PSMC3: variants seen among roughly 807,000 people sequenced by gnomAD.
PSMC3 encodes proteasome 26S subunit, ATPase 3.
PSMC3 carries 11 observed loss-of-function variants against 52.0 expected under a neutral mutation model. The ratio of observed to expected loss-of-function variants is 0.21; its 90% CI spans 0.13 to 0.35. The LOEUF is 0.35. PSMC3 is among the 10% of genes least tolerant of loss of function. The probability of loss-of-function intolerance (pLI) is 1.00; values close to 1 mark genes in which losing one functional copy is unlikely to be tolerated. For synonymous variants in PSMC3, 201 were observed against 218.8 expected (o/e 0.92, Z 0.72); for missense variants, 238 against 567.1 (o/e 0.42, Z 5.89).
Position 47,422,611 on chromosome 11 carries a change from T to C in PSMC3, c.847A>G (p.Ile283Val), listed in dbSNP as rs747411615. ...ALAKEKAPSI[I>V]FIDELDAIGT... ...ATGGCATCCAACTCATCAATGAAGA[T>C]GATAGAGGGCGCTTTCTCCTTGGCC... Residue 283 changes from isoleucine to valine, a missense_variant, in exon 8 of 12, where the codon ATC (isoleucine) becomes GTC (valine). By Grantham distance (29) the Ile-to-Val change is conservative (BLOSUM62 3). Coordinates refer to ENST00000298852, the MANE Select transcript of PSMC3 (RefSeq NM_002804.5). The surrounding 1 kb of genome is among the most constrained non-coding windows in gnomAD (Gnocchi z 4.3). 2 of 1,614,108 alleles carry C rather than the reference T, an allele frequency of 1.2e-6. No homozygotes were observed. The highest frequency in any genetic ancestry group is 1.3e-5 in the African/African-American group (1 of 75,014).
Position 47,424,707 on chromosome 11 carries a change from A to T in PSMC3, c.290T>A (p.Leu97Gln), listed in dbSNP as rs1194754191. ...PYLVSNVIEL[L>Q]DVDPNDQEED... ...CTCTTGGTCATTAGGATCAACATCCAGGAGCTGGGAAGGAAAAAATACTCA... is the reference window on the plus strand; with the variant it reads ...CTCTTGGTCATTAGGATCAACATCCTGGAGCTGGGAAGGAAAAAATACTCA... The change falls in exon 4 of 12, where the codon CTG becomes CAG. Residue 97 changes from leucine to glutamine, a missense_variant. Leu to Gln is a moderately radical substitution (Grantham distance 113). Around this residue, in one of 6 missense-constraint regions of PSMC3, gnomAD observed 21 missense variants for 95.6 expected, o/e 0.22. Coordinates refer to ENST00000298852, the MANE Select transcript of PSMC3 (RefSeq NM_002804.5). This position sits in a 1 kb window ranked among gnomAD's most constrained non-coding sequence, Gnocchi z 4.8. 1 of 1,611,122 alleles carries T rather than the reference A, an allele frequency of 6.2e-7. No homozygotes were observed. Among genetic ancestry groups the T allele is most frequent in the African/African-American group, 1.3e-5 (1 of 74,856 alleles).
chr11:47,424,499 C>T lies in PSMC3; in HGVS notation c.391-8G>A. ...CACAGGAAGGAAGTACGTCTGTGGA[C>T]AAGTTACAGGGGCAGTCTCAGTTAG... On this transcript the variant is annotated splice_polypyrimidine_tract_variant and splice_region_variant and intron_variant, in intron 4 of 11. Transcript: ENST00000298852. This position sits in a 1 kb window ranked among gnomAD's most constrained non-coding sequence, Gnocchi z 4.8. 1.2e-6 allele frequency: 2 copies of T among 1,614,104 alleles called. No individual in the cohort carries two copies.
At chr11:47,420,212 C>T in intron 10 of PSMC3, 52 bp downstream of exon 10, 1 of 1,594,442 alleles carries the variant, frequency 6.3e-7, no homozygotes. Context: ...ATGGCAGAGA[C>T]ATCCTCCTGC....
chr11:47,419,656 A>G (rs7120262), intron 10 of PSMC3, among the ~76,000 whole-genome samples: 151,583 of 152,158 alleles, frequency 1, 75,508 homozygotes, highest in Middle Eastern at 1. Context: ...TCAGGAAATC[A>G]AGACCATTCT....
At position 47,422,546 on chromosome 11, in the gene PSMC3, T is replaced by C; in HGVS notation, c.884+28A>G. ...CCGCTTCCCCTTACCGCCACAGAGA[T>C]CGCTAGGGACCCTTGGCCCTCCCTT... is the stretch of plus-strand genomic sequence containing the variant. On this transcript the variant is annotated intron_variant, in intron 8 of 11. Transcript: ENST00000298852. This position sits in a 1 kb window ranked among gnomAD's most constrained non-coding sequence, Gnocchi z 4.3. 2 of 1,612,382 alleles carry C rather than the reference T, an allele frequency of 1.2e-6. No individual in the cohort carries two copies. The highest frequency in any genetic ancestry group is 1.7e-6 in the Non-Finnish European group (2 of 1,178,848).
At position 47,424,032 on chromosome 11, in the gene PSMC3, C is replaced by T. The variant is rs200317907; in HGVS notation, c.591+14G>A. 19 of 1,614,018 alleles carry T rather than the reference C, an allele frequency of 1.2e-5. No individual in the cohort carries two copies. The highest frequency in any genetic ancestry group is 4.4e-5 in the South Asian group (4 of 91,078). ...GGCTGACAAGGCTGCTGGCAGCTGC[C>T]GTGCCTCCCTCACCTCCTGGATCTG... On this transcript the variant is annotated intron_variant, in intron 6 of 11. Transcript: ENST00000298852. The surrounding 1 kb of genome is among the most constrained non-coding windows in gnomAD (Gnocchi z 4.8).
intron 1 of PSMC3, 90 bp downstream of exon 1, chr11:47,426,115 A>T: frequency 6.8e-7 from 1 of 1,472,412 alleles, no homozygotes; most frequent in Non-Finnish European, 9.3e-7. Context: ...ATCGGGCCAG[A>T]CCTTGACCCC....
At chr11:47,419,789 G>A (rs1475872889) in intron 10 of PSMC3, among the ~76,000 whole-genome samples, 1 of 151,952 alleles carries the variant, frequency 6.6e-6, no homozygotes, top group Non-Finnish European at 1.5e-5. Flanking sequence ...AACCCAGGAG[G>A]CGGAGCTTGC....
chr11:47,425,583 A>G (rs1333141833), intron 2 of PSMC3: 1 of 532,876 alleles, frequency 1.9e-6, no homozygotes. Flanking sequence ...TCTGTAAAAT[A>G]GGCATTTTAC....
At position 47,424,386 on chromosome 11, in the gene PSMC3, C is replaced by A; in HGVS notation, c.453+43G>T. On this transcript the variant is annotated intron_variant, in intron 5 of 11. Coordinates refer to ENST00000298852, the MANE Select transcript of PSMC3 (RefSeq NM_002804.5). The surrounding 1 kb of genome is among the most constrained non-coding windows in gnomAD (Gnocchi z 4.8). ...ACCTGGGGCGGGTACAGGGGCTCAG[C>A]TAGTCACCAGAAAAGCACTGCCTGG... 6.2e-7 allele frequency: 1 copy of A among 1,604,352 alleles called. No homozygotes were observed. Among genetic ancestry groups the A allele is most frequent in the Non-Finnish European group, 8.5e-7 (1 of 1,171,382 alleles).
At chr11:47,419,292 A>G in intron 10 of PSMC3, 95 bp from the exon 11 acceptor site, 2 of 1,346,586 alleles carry the variant, frequency 1.5e-6, no homozygotes, top group South Asian at 1.2e-5. Context: ...CAACAAAGTC[A>G]AGTTGCCCTG....
rs1313830216 is a variant in PSMC3 at position 47,425,893 on chromosome 11, T to C, written c.133A>G (p.Thr45Ala). 3 of 1,614,086 alleles carry C rather than the reference T, an allele frequency of 1.9e-6. No homozygotes were observed. Among genetic ancestry groups the C allele is most frequent in the Admixed American group, 3.3e-5 (2 of 60,024 alleles). ...KMSTEEIIQR[T>A]RLLDSEIKIM... ...TTGATCTCACTGTCCAGCAGCCGTG[T>C]GCGCTGGATGATCTCCTCCGTGGAC... The change falls in exon 2 of 12, where the codon ACA becomes GCA. Residue 45 changes from threonine (T) to alanine (A), a missense_variant. Coordinates refer to ENST00000298852, the MANE Select transcript of PSMC3 (RefSeq NM_002804.5).
In PSMC3 at chr11:47,425,930, C is replaced by G. The variant is rs750311677; in HGVS notation, c.96G>C (p.Glu32Asp). The change falls in exon 2 of 12, where the codon GAG becomes GAC. Residue 32 changes from glutamate (E) to aspartate (D), a missense_variant. Physicochemically the swap from Glu to Asp is conservative, Grantham distance 45. Transcript: ENST00000298852. ...TCTCCTCCGTGGACATCTTGAGCAC[C>G]TCCTCCCCAATTCCATCTTGCTGTA... ...DEAEQDGIGE[E>D]VLKMSTEEII... The G allele has an allele frequency of 6.2e-7, 1 of 1,613,754 alleles. No individual in the cohort carries two copies.
At position 47,424,787 on chromosome 11, in the gene PSMC3, AG is replaced by A; in HGVS notation, c.286-77del. 1 of 1,303,652 alleles carries A rather than the reference AG, an allele frequency of 7.7e-7. No individual in the cohort carries two copies. The highest frequency in any genetic ancestry group is 2.3e-5 in the East Asian group (1 of 42,988). 80.8% of individuals were successfully genotyped at this position (1,303,652 alleles called of 1,614,324 possible). On this transcript the variant is annotated intron_variant, in intron 3 of 11. Transcript: ENST00000298852. The surrounding 1 kb of genome is among the most constrained non-coding windows in gnomAD (Gnocchi z 4.8). ...TCCTAAGACAGTTCCTAATACCTGC[AG>A]GGCTGGCCATCCTTACCTCCCTCCT... is the stretch of plus-strand genomic sequence containing the variant.
At chr11:47,419,072 C>T in intron 11 of PSMC3, 44 bp downstream of exon 11, 1 of 1,612,170 alleles carries the variant, frequency 6.2e-7, no homozygotes, top group Non-Finnish European at 8.5e-7. Flanking sequence ...AGGGAGGGGG[C>T]AAGAAGGCAC....
Position 47,426,287 on chromosome 11 carries a change from A to G in PSMC3, c.-8T>C. The G allele has an allele frequency of 6.4e-7, 1 of 1,550,716 alleles. No homozygotes were observed. The highest frequency in any genetic ancestry group is 1.2e-5 in the South Asian group (1 of 84,006). Reference sequence around the variant, plus strand: ...ATTCGGCAGCAGATTCATTTCCTGGAGGAGCGGGCAGAAGATGGGACCAGG... The same window carrying G: ...ATTCGGCAGCAGATTCATTTCCTGGGGGAGCGGGCAGAAGATGGGACCAGG... On this transcript the variant is annotated 5_prime_UTR_variant, in exon 1 of 12. Coordinates refer to ENST00000298852, the MANE Select transcript of PSMC3 (RefSeq NM_002804.5).
rs766290983 is a variant in PSMC3 at position 47,422,553 on chromosome 11, G to A, written c.884+21C>T. 4 of 1,613,498 alleles carry A rather than the reference G, an allele frequency of 2.5e-6. No homozygotes were observed. The highest frequency in any genetic ancestry group is 3.4e-6 in the Non-Finnish European group (4 of 1,179,644). ...CCCTTACCGCCACAGAGATCGCTAG[G>A]GACCCTTGGCCCTCCCTTACCGCTT... is the stretch of plus-strand genomic sequence containing the variant. On this transcript the variant is annotated intron_variant, in intron 8 of 11. Transcript: ENST00000298852. The surrounding 1 kb of genome is among the most constrained non-coding windows in gnomAD (Gnocchi z 4.3).
Position 47,424,518 on chromosome 11 carries a change from CAGTT to C in PSMC3, c.391-31_391-28del. 7.4e-6 allele frequency: 12 copies of C among 1,612,824 alleles called. No individual in the cohort carries two copies. Among genetic ancestry groups the C allele is most frequent in the Non-Finnish European group, 9.3e-6 (11 of 1,178,800 alleles). On this transcript the variant is annotated intron_variant, in intron 4 of 11. Transcript: ENST00000298852. This position sits in a 1 kb window ranked among gnomAD's most constrained non-coding sequence, Gnocchi z 4.8. ...TGTGGACAAGTTACAGGGGCAGTCT[CAGTT>C]AGTGTCCTCAGGGAAGGCTCCCTAG...
At chr11:47,419,293 A>C (rs1169563432) in intron 10 of PSMC3, 96 bp from the exon 11 acceptor site, 6 of 1,334,296 alleles carry the variant, frequency 4.5e-6, no homozygotes, top group African/African-American at 1.4e-5. Context: ...AACAAAGTCA[A>C]GTTGCCCTGT....
Sources: allele counts gnomAD v4.1 joint callset (sites outside exome capture counted in the v4.1 genomes callset), GRCh38; gene constraint gnomAD v4.1.1; regional missense constraint gnomAD v4.1.1; non-coding constraint Gnocchi (gnomAD v3.1); transcripts MANE v1.5; gene names NCBI Gene and HGNC (gene_info 2026-07-23, HGNC 2026-07-21).